The following MAGI2 variants were observed in gnomAD, a reference collection of about 807,000 sequenced individuals.
MAGI2 encodes membrane associated guanylate kinase, WW and PDZ domain containing 2.
In MAGI2, 35 loss-of-function variants were observed where a neutral mutation model predicts 133.3. That is an observed-to-expected ratio of 0.26 (90% confidence interval 0.20 to 0.35). MAGI2 has a LOEUF of 0.35. Ranked by LOEUF, MAGI2 falls within the 10% of genes least tolerant of loss-of-function variation. The pLI, the probability that MAGI2 is intolerant of heterozygous loss-of-function variation, is 1.00. For missense variants in MAGI2, 1,636 were observed against 1,863.4 expected (o/e 0.88, Z 2.25); for synonymous variants, 729 against 710.6 (o/e 1.03, Z -0.41).
At chr7:79,300,775 T>C (rs186395662) in intron 1 of MAGI2, among the ~76,000 whole-genome samples, 1 of 152,282 alleles carries the variant, frequency 6.6e-6, no homozygotes, top group East Asian at 1.9e-4. Context: ...TCAGAGACCT[T>C]TGTGGCAGCC....
In MAGI2 at chr7:78,597,378, G is replaced by T. The variant is rs867733601; in HGVS notation, c.538+29742C>A. Reference sequence around the variant, plus strand: ...CAGTAAAATAAATGAATTCCTTGGGGGGGGGGGTCTTATAAATAATTTTAG... The same window carrying T: ...CAGTAAAATAAATGAATTCCTTGGGTGGGGGGGTCTTATAAATAATTTTAG... On this transcript the variant is annotated intron_variant, in intron 3 of 21. Transcript: ENST00000354212. Among the ~76,000 whole-genome samples the T allele has an allele frequency of 1.4e-3, 208 of 150,414 alleles. 1 individual carries two copies. The highest frequency in any genetic ancestry group is 4.7e-3 in the African/African-American group (195 of 41,106).
intron 10 of MAGI2, among the ~76,000 whole-genome samples, chr7:78,244,938 G>A (rs1011800615): frequency 6.6e-6 from 1 of 152,184 alleles, no homozygotes; most frequent in Non-Finnish European, 1.5e-5. Context: ...ATCTTAAATG[G>A]AAGGCCAGTA....
chr7:78,250,863 G>A (rs1382985793), intron 10 of MAGI2, among the ~76,000 whole-genome samples: 1 of 152,022 alleles, frequency 6.6e-6, no homozygotes, highest in Non-Finnish European at 1.5e-5. Flanking sequence ...TTAGAGGAGA[G>A]GGAACACTTT....
At chr7:78,240,350 A>C (rs746331363) in intron 10 of MAGI2, among the ~76,000 whole-genome samples, 14 of 151,652 alleles carry the variant, frequency 9.2e-5, no homozygotes, top group Non-Finnish European at 2.1e-4. Flanking sequence ...TCCATGGTGT[A>C]TGTGGTGCAC....
At chr7:79,128,353 A>T (rs1257671330) in intron 1 of MAGI2, among the ~76,000 whole-genome samples, 1 of 152,232 alleles carries the variant, frequency 6.6e-6, no homozygotes, top group Non-Finnish European at 1.5e-5. Context: ...TCAGATAATA[A>T]CATTACAAAC....
At chr7:78,570,571 C>A (rs544810951) in intron 3 of MAGI2, among the ~76,000 whole-genome samples, 1 of 152,238 alleles carries the variant, frequency 6.6e-6, no homozygotes, top group South Asian at 2.1e-4. Context: ...GGTGGGACTA[C>A]AGCATGCAGT....
intron 6 of MAGI2, among the ~76,000 whole-genome samples, chr7:78,393,502 A>C (rs1796086041): frequency 6.6e-6 from 1 of 152,138 alleles, no homozygotes; most frequent in Admixed American, 6.5e-5. Flanking sequence ...ATTGTCCACA[A>C]CTGGTTTTGC....
intron 21 of MAGI2, among the ~76,000 whole-genome samples, chr7:78,026,261 A>G (rs1311958226): frequency 6.6e-6 from 1 of 152,252 alleles, no homozygotes; most frequent in Non-Finnish European, 1.5e-5. Flanking sequence ...CCTTCACTTC[A>G]TATGCCAGAA....
At chr7:78,577,553 A>G (rs1802391421) in intron 3 of MAGI2, among the ~76,000 whole-genome samples, 2 of 151,866 alleles carry the variant, frequency 1.3e-5, no homozygotes, top group African/African-American at 4.8e-5. Flanking sequence ...ACCTGGGTGC[A>G]GGTGGGCTGA....
intron 2 of MAGI2, among the ~76,000 whole-genome samples, chr7:78,966,260 A>G (rs1803294009): frequency 6.6e-6 from 1 of 152,102 alleles, no homozygotes; most frequent in Non-Finnish European, 1.5e-5. Flanking sequence ...TATATTTACA[A>G]TGTTGTATAG....
chr7:78,479,244 G>A (rs560278773), intron 6 of MAGI2, among the ~76,000 whole-genome samples: 1 of 151,912 alleles, frequency 6.6e-6, no homozygotes, highest in Non-Finnish European at 1.5e-5. Flanking sequence ...ATCTGTTTGG[G>A]TTCCTTAAAT....
At chr7:79,165,287 G>A (rs1198806197) in intron 1 of MAGI2, among the ~76,000 whole-genome samples, 1 of 151,246 alleles carries the variant, frequency 6.6e-6, no homozygotes, top group Non-Finnish European at 1.5e-5. Context: ...CAAAACCACC[G>A]CTTTTTATAT....
intron 10 of MAGI2, among the ~76,000 whole-genome samples, chr7:78,208,521 A>C (rs1339527303): frequency 6.6e-6 from 1 of 152,190 alleles, no homozygotes; most frequent in Admixed American, 6.5e-5. Flanking sequence ...TAACAACTAC[A>C]AAGGGCTTTT....
At chr7:78,947,870 T>A (rs1801549579) in intron 2 of MAGI2, among the ~76,000 whole-genome samples, 1 of 152,112 alleles carries the variant, frequency 6.6e-6, no homozygotes, top group Admixed American at 6.6e-5. Context: ...TTTTGGCCAT[T>A]TCCTAAAATT....
At chr7:78,261,596 A>G (rs1403894067) in intron 9 of MAGI2, among the ~76,000 whole-genome samples, 1 of 152,142 alleles carries the variant, frequency 6.6e-6, no homozygotes, top group East Asian at 1.9e-4. Flanking sequence ...GAAACCAGAA[A>G]AGATTTCACA....
At chr7:78,691,673 G>A (rs1264187365) in intron 2 of MAGI2, among the ~76,000 whole-genome samples, 2 of 152,062 alleles carry the variant, frequency 1.3e-5, no homozygotes, top group African/African-American at 4.8e-5. Flanking sequence ...GAGAAATTGA[G>A]TTGAAAAATT....
intron 9 of MAGI2, among the ~76,000 whole-genome samples, chr7:78,306,027 A>T (rs1197622944): frequency 3.3e-5 from 5 of 152,314 alleles, no homozygotes; most frequent in Non-Finnish European, 5.9e-5. Context: ...TTTTGGACAA[A>T]TTGAATCAGA....
chr7:78,514,085 T>TCA (rs1795836682), intron 4 of MAGI2, among the ~76,000 whole-genome samples: 1 of 38,576 alleles, frequency 2.6e-5, no homozygotes, highest in African/African-American at 2.2e-4. Flanking sequence ...TGAAACTGTC[T>TCA]CAAAAAAAAA....
chr7:79,356,973 T>G (rs10278164), intron 1 of MAGI2, among the ~76,000 whole-genome samples: 2,287 of 152,270 alleles, frequency 0.015, 50 homozygotes, highest in African/African-American at 0.054. Flanking sequence ...GAGAAGAAAT[T>G]TCCATGTTTA....
Sources: gnomAD v4.1 joint callset for allele counts (sites outside exome capture counted in the v4.1 genomes callset) on GRCh38, gnomAD v4.1.1 for gene constraint, MANE v1.5 for transcripts, NCBI Gene and HGNC (gene_info 2026-07-23, HGNC 2026-07-21) for gene names.